Variants in ABCA12 observed in about 807,000 individuals in gnomAD.
ABCA12 encodes ATP binding cassette subfamily A member 12.
ABCA12 carries 156 observed loss-of-function variants against 293.5 expected under a neutral mutation model. The ratio of observed to expected loss-of-function variants is 0.53; its 90% CI spans 0.47 to 0.61. The LOEUF is 0.61. Among genes scored for constraint, ABCA12 ranks in the 20% least tolerant of loss-of-function variants. The pLI, the probability that ABCA12 is intolerant of heterozygous loss-of-function variation, is 0.00. For synonymous variants in ABCA12, 1,063 were observed against 1,108.0 expected (o/e 0.96, Z 0.81); for missense variants, 2,797 against 3,090.2 (o/e 0.91, Z 2.25).
chr2:214,961,352 AC>A (rs879694130), intron 39 of ABCA12, among the ~76,000 whole-genome samples: 3 of 152,054 alleles, frequency 2.0e-5, no homozygotes, highest in Non-Finnish European at 2.9e-5. Context: ...GTCAAAATAA[AC>A]TTTTATGTTT....
intron 14 of ABCA12, among the ~76,000 whole-genome samples, chr2:215,017,071 C>G (rs1300636567): frequency 6.6e-6 from 1 of 152,154 alleles, no homozygotes; most frequent in Non-Finnish European, 1.5e-5. Context: ...TTTACTAGTA[C>G]AGTAAAGGCA....
intron 45 of ABCA12, among the ~76,000 whole-genome samples, chr2:214,950,384 CTGTGTGTG>C (rs61619476): frequency 0.028 from 3,219 of 116,606 alleles, 84 homozygotes; most frequent in African/African-American, 0.064. Context: ...ATATATATAT[CTGTGTGTG>C]TGTGTGTGTG....
In ABCA12 at chr2:215,081,506, G is replaced by T. The variant is rs1326090958; in HGVS notation, c.164-17287C>A. ...AAAAAAAAAAAAGAAAAAGAAAAAA[G>T]AAAAAGAAAAAAGAAAAAGTAAAAG... On this transcript the variant is annotated intron_variant, in intron 2 of 52. Transcript: ENST00000272895. Among the ~76,000 whole-genome samples, 2 of 114,996 alleles carry T rather than the reference G, an allele frequency of 1.7e-5. 1 individual carries two copies. Among genetic ancestry groups the T allele is most frequent in the Non-Finnish European group, 3.8e-5 (2 of 52,972 alleles). The allele number at this position is 114,996 out of a possible 152,430, so 75.4% of individuals were successfully genotyped here.
At chr2:215,064,345 C>T in intron 2 of ABCA12, 126 bp from the exon 3 acceptor site, 1 of 940,776 alleles carries the variant, frequency 1.1e-6, no homozygotes, top group Non-Finnish European at 1.7e-6. Context: ...CCCAACTGAG[C>T]CCCAACTCTG....
At chr2:215,025,842 G>T in intron 10 of ABCA12, 63 bp from the exon 11 acceptor site, 2 of 1,109,620 alleles carry the variant, frequency 1.8e-6, no homozygotes, top group Non-Finnish European at 2.8e-6. Flanking sequence ...AAACCAGTTT[G>T]AAAGACACCT....
intron 8 of ABCA12, among the ~76,000 whole-genome samples, chr2:215,036,733 T>TTA (rs1701002747): frequency 6.6e-6 from 1 of 152,164 alleles, no homozygotes; most frequent in Non-Finnish European, 1.5e-5. Context: ...GAGATCATTT[T>TTA]CACCTAACTA....
At chr2:215,001,880 A>G in intron 20 of ABCA12, 143 bp from the exon 21 acceptor site, 2 of 722,914 alleles carry the variant, frequency 2.8e-6, no homozygotes, top group Non-Finnish European at 4.4e-6. Flanking sequence ...AATATCTAGT[A>G]TTCTACACCA....
intron 7 of ABCA12, among the ~76,000 whole-genome samples, chr2:215,041,606 G>C (rs942909241): frequency 6.6e-6 from 1 of 151,678 alleles, no homozygotes; most frequent in Non-Finnish European, 1.5e-5. Context: ...CAGTATGGAG[G>C]TTCCTTAAAA....
At chr2:214,939,500 GA>G (rs1698328115) in intron 50 of ABCA12, among the ~76,000 whole-genome samples, 1 of 152,146 alleles carries the variant, frequency 6.6e-6, no homozygotes, top group African/African-American at 2.4e-5. Context: ...ATTCTGTGAA[GA>G]AAGACAATGG....
chr2:215,033,400 G>A (rs1177583943), intron 8 of ABCA12, among the ~76,000 whole-genome samples: 2 of 152,044 alleles, frequency 1.3e-5, no homozygotes, highest in East Asian at 3.9e-4. Context: ...AATACTATGT[G>A]GTTATAGAGT....
intron 37 of ABCA12, among the ~76,000 whole-genome samples, chr2:214,969,480 A>G (rs1699338478): frequency 1.3e-5 from 2 of 152,114 alleles, no homozygotes; most frequent in South Asian, 4.1e-4. Context: ...ATGTAGTGCT[A>G]TAGAGCTATA....
At chr2:215,111,524 A>C in intron 2 of ABCA12, 73 bp downstream of exon 2, 1 of 1,271,096 alleles carries the variant, frequency 7.9e-7, no homozygotes, top group Admixed American at 1.8e-5. Flanking sequence ...GAAATGAAAC[A>C]CTAAAGTGGT....
chr2:215,088,150 G>T (rs1399050918), intron 2 of ABCA12, among the ~76,000 whole-genome samples: 1 of 152,170 alleles, frequency 6.6e-6, no homozygotes, highest in African/African-American at 2.4e-5. Flanking sequence ...AGAATATTAA[G>T]CAGAGAAAAT....
rs1292980115 is a variant in ABCA12 at position 214,976,143 on chromosome 2, G to T, written c.5129-106C>A. On this transcript the variant is annotated intron_variant, in intron 33 of 52. Coordinates refer to ENST00000272895, the MANE Select transcript of ABCA12 (RefSeq NM_173076.3). ...GGTATAATACACTGTGGTGGGAAAA[G>T]CTTTTAAAGATTTGGATTTGAGGTT... 4.1e-6 allele frequency: 6 copies of T among 1,468,396 alleles called. No homozygotes were observed. The Admixed American group carries it at 1.2e-4, about 29-fold the overall frequency. 91.0% of individuals were successfully genotyped at this position (1,468,396 alleles called of 1,614,324 possible). A position where few individuals can be genotyped will look rare whatever the true frequency, so the allele number is the denominator to read the frequency against.
rs1559110751 is a variant in ABCA12 at position 214,952,224 on chromosome 2, T to TG, written c.6648-1142_6648-1141insC. On this transcript the variant is annotated intron_variant, in intron 44 of 52. Coordinates refer to ENST00000272895, the MANE Select transcript of ABCA12 (RefSeq NM_173076.3). ...ACTGGAAATGCCTTTTTTTTGTTGT[T>TG]TTTTTTTTTTTTTTGAGACGGAGTC... 5.1e-3 allele frequency among the ~76,000 whole-genome samples: 44 copies of TG among 8,652 alleles called. No homozygotes were observed. The Non-Finnish European group carries it at 0.095, about 19-fold the overall frequency. 5.7% of individuals were successfully genotyped at this position (8,652 alleles called of 152,430 possible).
intron 44 of ABCA12, 97 bp from the exon 45 acceptor site, chr2:214,951,180 CTAGTCATCAT>C: frequency 9.3e-7 from 1 of 1,076,040 alleles, no homozygotes; most frequent in Non-Finnish European, 1.4e-6. Context: ...TAACAGTGTA[CTAGTCATCAT>C]TAGACTTCTT....
chr2:215,134,589 CTCTCTCTCTCTA>C (rs1302583941), intron 1 of ABCA12, among the ~76,000 whole-genome samples: 1 of 94,778 alleles, frequency 1.1e-5, no homozygotes, highest in African/African-American at 7.7e-5. Context: ...CTCTCTCTCT[CTCTCTCTCTCTA>C]TATATATATA....
At chr2:215,064,025 A>T (rs749134581) in intron 3 of ABCA12, 41 bp downstream of exon 3, 4 of 1,611,752 alleles carry the variant, frequency 2.5e-6, no homozygotes, top group Middle Eastern at 1.7e-4. Flanking sequence ...ACAAGATTTG[A>T]TCTCTCAGAA....
At chr2:215,095,294 G>A (rs1168358282) in intron 2 of ABCA12, among the ~76,000 whole-genome samples, 1 of 152,040 alleles carries the variant, frequency 6.6e-6, no homozygotes, top group Non-Finnish European at 1.5e-5. Flanking sequence ...ACCCCCTTGG[G>A]CACTCTCTAA....
Sources: allele counts gnomAD v4.1 joint callset (sites outside exome capture counted in the v4.1 genomes callset), GRCh38; gene constraint gnomAD v4.1.1; transcripts MANE v1.5; gene names NCBI Gene and HGNC (gene_info 2026-07-23, HGNC 2026-07-21).